Variants in DLG5 observed in about 807,000 individuals in gnomAD.
DLG5 encodes discs large MAGUK scaffold protein 5.
A neutral mutation model predicts 189.8 loss-of-function variants in DLG5; 48 were observed. That is an observed-to-expected ratio of 0.25 (90% CI 0.20 to 0.32). DLG5 has a LOEUF of 0.32. DLG5 is among the 10% of genes least tolerant of loss of function. DLG5 has a pLI of 1.00. For missense variants in DLG5, 2,160 were observed against 2,544.7 expected, an observed-to-expected ratio of 0.85 and a Z score of 3.25; for synonymous variants, 1,016 against 1,054.1, an observed-to-expected ratio of 0.96 and a Z score of 0.70.
intron 9 of DLG5, 125 bp downstream of exon 9, chr10:77,833,789 C>T (rs1842988640): frequency 1.4e-6 from 2 of 1,394,642 alleles, no homozygotes; most frequent in African/African-American, 2.8e-5. Context: ...AAGGGACAAA[C>T]AGCCAGCTCG....
intron 25 of DLG5, 60 bp from the exon 26 acceptor site, chr10:77,806,988 G>A: frequency 1.3e-6 from 2 of 1,569,030 alleles, no homozygotes; most frequent in Non-Finnish European, 1.7e-6. Flanking sequence ...GACGAACCAG[G>A]TGCCTTCTGT....
At chr10:77,835,119 C>T (rs1263458118) in intron 8 of DLG5, among the ~76,000 whole-genome samples, 3 of 152,160 alleles carry the variant, frequency 2.0e-5, no homozygotes, top group African/African-American at 7.2e-5. Context: ...CTCCCCACGA[C>T]TTGCCCACGT....
intron 19 of DLG5, 83 bp from the exon 20 acceptor site, chr10:77,816,784 GAC>G: frequency 6.5e-7 from 1 of 1,532,168 alleles, no homozygotes; most frequent in Non-Finnish European, 8.8e-7. Flanking sequence ...GTGCGATCCA[GAC>G]ACACAGCTCT....
intron 1 of DLG5, among the ~76,000 whole-genome samples, chr10:77,876,505 G>C (rs1384847957): frequency 6.6e-6 from 1 of 151,754 alleles, no homozygotes; most frequent in Non-Finnish European, 1.5e-5. Context: ...CTCCTGAGTA[G>C]CTGGGACTAC....
Position 77,805,816 on chromosome 10 carries a change from T to G in DLG5, c.5013A>C (p.Lys1671Asn). The change falls in exon 27 of 32, where the codon AAA becomes AAC. Residue 1671 changes from lysine to asparagine, a missense_variant. By Grantham distance (94) the Lys-to-Asn change is moderately conservative (BLOSUM62 0). Around this residue, in one of 5 missense-constraint regions of DLG5, gnomAD observed 574 missense variants for 644.2 expected, o/e 0.89. Transcript: ENST00000372391. ...FSRRLSMSEV[K>N]DDNSATKTLS... ...GCGTCTTTGTGGCGCTATTGTCATC[T>G]TTGACTTCAGACATGCTGAGCCTCC... 2 of 1,614,170 alleles carry G rather than the reference T, an allele frequency of 1.2e-6. No homozygotes were observed. Among genetic ancestry groups the G allele is most frequent in the Non-Finnish European group, 1.7e-6 (2 of 1,179,990 alleles).
chr10:77,795,089 C>T, intron 29 of DLG5, 131 bp from the exon 30 acceptor site: 1 of 657,588 alleles, frequency 1.5e-6, no homozygotes, highest in Non-Finnish European at 2.6e-6. Context: ...CCACACAGTA[C>T]ACCGTGGGGA....
intron 13 of DLG5, among the ~76,000 whole-genome samples, chr10:77,827,598 G>GT (rs1842701675): frequency 6.6e-6 from 1 of 152,182 alleles, no homozygotes; most frequent in Admixed American, 6.5e-5. Flanking sequence ...CACGGCATTT[G>GT]TAGCTTAGTC....
chr10:77,889,911 C>G (rs757252467), intron 1 of DLG5, among the ~76,000 whole-genome samples: 1 of 152,000 alleles, frequency 6.6e-6, no homozygotes, highest in Non-Finnish European at 1.5e-5. Context: ...TAGGTGGGAG[C>G]CAGAGATGGT....
At chr10:77,819,508 G>C in intron 16 of DLG5, 43 bp from the exon 17 acceptor site, 2 of 1,587,232 alleles carry the variant, frequency 1.3e-6, no homozygotes, top group Non-Finnish European at 1.7e-6. Context: ...AAAGGACCCA[G>C]CCAGCCCAGG....
chr10:77,916,904 A>AATATAT lies in DLG5; in HGVS notation c.304+9307_304+9312dup, dbSNP rs55841913. 3.6e-3 allele frequency among the ~76,000 whole-genome samples: 461 copies of AATATAT among 129,096 alleles called. 11 individuals carry two copies. The highest frequency in any genetic ancestry group is 7.9e-3 in the East Asian group (31 of 3,900). The allele number at this position is 129,096 out of a possible 152,430, so 84.7% of individuals were successfully genotyped here. A position where few individuals can be genotyped will look rare whatever the true frequency, so the allele number is the denominator to read the frequency against. The stretch of plus-strand genomic sequence containing the variant: ...AGGTAAAGAAACAAATAAAATATAG[A>AATATAT]ATATATATATATATATATATATGAA... On this transcript the variant is annotated intron_variant, in intron 1 of 31. Transcript: ENST00000372391.
chr10:77,800,565 G>A lies in DLG5; in HGVS notation c.5165-3971C>T, dbSNP rs760257337. On this transcript the variant is annotated intron_variant, in intron 27 of 31. Transcript: ENST00000372391. Reference sequence around the variant, plus strand: ...GGGCTGAGAACCCAGGCACGGGGCCGCCGCTGAGGGCTGAGAACCCACGAA... The same window carrying A: ...GGGCTGAGAACCCAGGCACGGGGCCACCGCTGAGGGCTGAGAACCCACGAA... 3.3e-5 allele frequency among the ~76,000 whole-genome samples: 5 copies of A among 152,000 alleles called. No individual in the cohort carries two copies. The South Asian group carries it at 8.3e-4, about 25-fold the overall frequency.
chr10:77,843,000 G>A (rs1321767113), intron 6 of DLG5, among the ~76,000 whole-genome samples: 5 of 152,072 alleles, frequency 3.3e-5, no homozygotes, highest in African/African-American at 4.8e-5. Flanking sequence ...ACTGTTTGAG[G>A]GCATATATCA....
At chr10:77,798,856 G>A (rs1841060448) in intron 27 of DLG5, among the ~76,000 whole-genome samples, 1 of 152,174 alleles carries the variant, frequency 6.6e-6, no homozygotes, top group African/African-American at 2.4e-5. Context: ...AGAATGGTTT[G>A]GAAGAATATT....
rs368555178 is a variant in DLG5, at chr10:77,855,201, G to T, written c.537-831C>A. ...TATTCCAATGTGCAACCAAGGTTAA[G>T]AACACTGGCCATGAGCAGTGATCTC... On this transcript the variant is annotated intron_variant, in intron 3 of 31. Transcript: ENST00000372391. Among the ~76,000 whole-genome samples, 10 of 152,300 alleles carry T rather than the reference G, an allele frequency of 6.6e-5. No individual in the cohort carries two copies. In the East Asian group the frequency reaches 1.5e-3, roughly 24 times the overall value.
In DLG5 at chr10:77,843,602, C is replaced by T. The variant is rs1843536911; in HGVS notation, c.969G>A (p.Arg323=). 7.4e-6 allele frequency: 12 copies of T among 1,614,016 alleles called. No homozygotes were observed. The highest frequency in any genetic ancestry group is 1.0e-5 in the Non-Finnish European group (12 of 1,180,010). ...TGTGGATGGCGACTTTCTCACTGTACCTCTTCCGAAGGGCGTCATAGTCCT... is the reference window on the plus strand; with the variant it reads ...TGTGGATGGCGACTTTCTCACTGTATCTCTTCCGAAGGGCGTCATAGTCCT... The part of the protein sequence containing the change: ...VKKDYDALRK[R]YSEKVAIHNA... The change falls in exon 6 of 32, where the codon AGG becomes AGA. Residue 323 remains arginine, a synonymous_variant. Transcript: ENST00000372391.
At chr10:77,819,297 G>A in intron 17 of DLG5, 24 bp downstream of exon 17, 2 of 1,613,502 alleles carry the variant, frequency 1.2e-6, no homozygotes, top group Non-Finnish European at 1.7e-6. Flanking sequence ...GGAGTACAGA[G>A]AAGCGTAGGG....
chr10:77,866,947 T>A (rs1031219589), intron 2 of DLG5: 2 of 456,774 alleles, frequency 4.4e-6, no homozygotes, highest in African/African-American at 4.0e-5. Flanking sequence ...CCAGAAGGGA[T>A]GCAACCAGTT....
chr10:77,810,956 G>C (rs1053908669), intron 23 of DLG5, 138 bp downstream of exon 23: 78 of 1,056,166 alleles, frequency 7.4e-5, no homozygotes, highest in Admixed American at 4.0e-4. Context: ...CCGTGCTCCC[G>C]GCCCAACTCC....
chr10:77,830,624 G>C, intron 10 of DLG5, 117 bp downstream of exon 10: 2 of 1,488,376 alleles, frequency 1.3e-6, no homozygotes, highest in Non-Finnish European at 1.8e-6. Flanking sequence ...ACACTCCTGG[G>C]AGGAAAAGGA....
Sources: gnomAD v4.1 joint callset for allele counts (sites outside exome capture counted in the v4.1 genomes callset) on GRCh38, gnomAD v4.1.1 for gene constraint, gnomAD v4.1.1 regional missense constraint, MANE v1.5 for transcripts, NCBI Gene and HGNC (gene_info 2026-07-23, HGNC 2026-07-21) for gene names.